Variants in TMEM108 observed in about 807,000 individuals in gnomAD.
TMEM108 encodes the protein transmembrane protein 108.
A neutral mutation model predicts 35.1 loss-of-function variants in TMEM108; 12 were observed. The ratio of observed to expected loss-of-function variants is 0.34; its 90% CI spans 0.22 to 0.55. The LOEUF is 0.55. Among genes scored for constraint, TMEM108 ranks in the 20% least tolerant of loss-of-function variants. The pLI is 0.89. For synonymous variants in TMEM108, 287 were observed against 308.6 expected, an observed-to-expected ratio of 0.93 and a Z score of 0.73; for missense variants, 680 against 753.3, an observed-to-expected ratio of 0.90 and a Z score of 1.14.
intron 2 of TMEM108, among the ~76,000 whole-genome samples, chr3:133,055,853 C>T (rs577162595): frequency 2.0e-5 from 3 of 152,296 alleles, no homozygotes; most frequent in South Asian, 2.1e-4. Flanking sequence ...TTCTTTTCCA[C>T]TGGAAAGAAC....
intron 2 of TMEM108, among the ~76,000 whole-genome samples, chr3:133,168,928 G>A (rs1000429071): frequency 3.9e-5 from 6 of 152,002 alleles, no homozygotes; most frequent in Non-Finnish European, 7.4e-5. Flanking sequence ...TAACACTCAC[G>A]TGAAGGTCTG....
At chr3:133,315,381 T>C (rs1320748649) in intron 3 of TMEM108, among the ~76,000 whole-genome samples, 1 of 152,184 alleles carries the variant, frequency 6.6e-6, no homozygotes, top group East Asian at 1.9e-4. Flanking sequence ...TTTTGTTACC[T>C]TAAATGACTT....
At chr3:133,129,096 GC>G (rs1944454645) in intron 2 of TMEM108, among the ~76,000 whole-genome samples, 1 of 152,172 alleles carries the variant, frequency 6.6e-6, no homozygotes, top group Admixed American at 6.5e-5. Flanking sequence ...TGTAATTCCA[GC>G]ACTTTGGGAG....
At chr3:133,128,608 T>C (rs1408844578) in intron 2 of TMEM108, among the ~76,000 whole-genome samples, 1 of 152,174 alleles carries the variant, frequency 6.6e-6, no homozygotes, top group Non-Finnish European at 1.5e-5. Flanking sequence ...AGAAAGCCAT[T>C]GAATTGTTCT....
At chr3:133,184,824 A>T (rs2107807555) in intron 2 of TMEM108, among the ~76,000 whole-genome samples, 1 of 152,222 alleles carries the variant, frequency 6.6e-6, no homozygotes, top group East Asian at 1.9e-4. Context: ...GTAGAAAAGG[A>T]ATGAGTTAAT....
At chr3:133,237,772 T>C (rs1946259123) in intron 3 of TMEM108, among the ~76,000 whole-genome samples, 1 of 152,184 alleles carries the variant, frequency 6.6e-6, no homozygotes, top group Admixed American at 6.5e-5. Flanking sequence ...TATAAAACAA[T>C]GCCATCCTTC....
intron 3 of TMEM108, among the ~76,000 whole-genome samples, chr3:133,337,079 C>T (rs1051785735): frequency 3.3e-5 from 5 of 152,136 alleles, no homozygotes; most frequent in African/African-American, 1.2e-4. Context: ...TGACTCCAGC[C>T]CCTGGCTCCT....
chr3:133,172,441 T>C (rs1356811731), intron 2 of TMEM108, among the ~76,000 whole-genome samples: 2 of 152,232 alleles, frequency 1.3e-5, no homozygotes, highest in Non-Finnish European at 2.9e-5. Flanking sequence ...TAGGTACCAT[T>C]TGGCTAATAA....
intron 2 of TMEM108, among the ~76,000 whole-genome samples, chr3:133,174,945 G>C (rs1945193440): frequency 6.6e-6 from 1 of 152,120 alleles, no homozygotes; most frequent in Admixed American, 6.5e-5. Context: ...TTAGACGAAT[G>C]GATAACTAGA....
intron 2 of TMEM108, among the ~76,000 whole-genome samples, chr3:133,160,384 T>G (rs1944944374): frequency 3.3e-5 from 5 of 152,182 alleles, no homozygotes; most frequent in Admixed American, 3.3e-4. Flanking sequence ...GAGCTGGCCT[T>G]GGGTCTAAAT....
chr3:133,097,184 C>T (rs1304323472), intron 2 of TMEM108, among the ~76,000 whole-genome samples: 1 of 152,198 alleles, frequency 6.6e-6, no homozygotes, highest in Admixed American at 6.5e-5. Context: ...ATCTCTGCAT[C>T]TGTGGTGTTT....
In TMEM108 at chr3:133,269,913, A is replaced by C. The variant is rs966558230; in HGVS notation, c.40+40562A>C. On this transcript the variant is annotated intron_variant, in intron 3 of 5. Transcript: ENST00000321871. Reference sequence around the variant, plus strand: ...ACTTTCATGTCAATACTCCCACACCAAACCTTGAGTGAGTATTAAAAATAA... The same window carrying C: ...ACTTTCATGTCAATACTCCCACACCCAACCTTGAGTGAGTATTAAAAATAA... 3.3e-5 allele frequency among the ~76,000 whole-genome samples: 5 copies of C among 152,304 alleles called. No homozygotes were observed. In the South Asian group the frequency reaches 1.0e-3, roughly 32 times the overall value.
At chr3:133,096,351 G>A (rs1483019968) in intron 2 of TMEM108, among the ~76,000 whole-genome samples, 1 of 152,106 alleles carries the variant, frequency 6.6e-6, no homozygotes, top group Non-Finnish European at 1.5e-5. Flanking sequence ...TGTAGAGATG[G>A]GGTCTTGCCA....
At chr3:133,111,336 C>T (rs1944221670) in intron 2 of TMEM108, among the ~76,000 whole-genome samples, 1 of 152,078 alleles carries the variant, frequency 6.6e-6, no homozygotes, top group Admixed American at 6.6e-5. Flanking sequence ...TATTTGAACC[C>T]AGGACTCTGG....
chr3:133,122,143 C>G (rs1944360543), intron 2 of TMEM108, among the ~76,000 whole-genome samples: 2 of 152,000 alleles, frequency 1.3e-5, no homozygotes, highest in Admixed American at 6.6e-5. Context: ...AATTTAGCAG[C>G]AGGAGTTACT....
intron 2 of TMEM108, among the ~76,000 whole-genome samples, chr3:133,206,583 G>T (rs1167209028): frequency 6.6e-6 from 1 of 152,182 alleles, no homozygotes; most frequent in Non-Finnish European, 1.5e-5. Context: ...ATTGGAGTTT[G>T]CTGGAGGTCA....
intron 2 of TMEM108, among the ~76,000 whole-genome samples, chr3:133,166,607 A>G (rs1004702159): frequency 2.5e-4 from 38 of 151,962 alleles, no homozygotes; most frequent in African/African-American, 8.9e-4. Context: ...TACAGCTCTT[A>G]AAGCGGCGTG....
At chr3:133,063,263 A>C (rs1159029605) in intron 2 of TMEM108, among the ~76,000 whole-genome samples, 2 of 152,102 alleles carry the variant, frequency 1.3e-5, no homozygotes, top group Non-Finnish European at 2.9e-5. Flanking sequence ...TGGCCACAGG[A>C]GTGATGAAGA....
intron 3 of TMEM108, among the ~76,000 whole-genome samples, chr3:133,324,241 G>T (rs1177571658): frequency 6.6e-6 from 1 of 152,064 alleles, no homozygotes; most frequent in African/African-American, 2.4e-5. Context: ...AGACAACCCA[G>T]AGAGTGGGAG....
Sources: allele counts gnomAD v4.1 joint callset (sites outside exome capture counted in the v4.1 genomes callset), GRCh38; gene constraint gnomAD v4.1.1; transcripts MANE v1.5; gene names NCBI Gene and HGNC (gene_info 2026-07-23, HGNC 2026-07-21).